Variants in ATF6 observed in about 807,000 individuals in gnomAD.
ATF6 encodes the protein activating transcription factor 6.
Under a neutral mutation model 83.6 loss-of-function variants are expected in ATF6, and 53 were observed. The ratio of observed to expected loss-of-function variants is 0.63; its 90% CI spans 0.51 to 0.80. ATF6 has a LOEUF of 0.80. Ranked by LOEUF, ATF6 falls within the 30% of genes least tolerant of loss-of-function variation. The pLI, the probability that ATF6 is intolerant of heterozygous loss-of-function variation, is 0.00. For missense variants in ATF6, 744 were observed against 797.9 expected (o/e 0.93, Z 0.81); for synonymous variants, 288 against 285.8 (o/e 1.01, Z -0.08).
chr1:161,908,767 CTTTTTA>C (rs1367259482), intron 14 of ATF6, among the ~76,000 whole-genome samples: 1 of 152,026 alleles, frequency 6.6e-6, no homozygotes, highest in East Asian at 1.9e-4. Context: ...TTCTACTATC[CTTTTTA>C]TTTTTAAGTA....
rs906167087 is a variant in ATF6, at chr1:161,839,641, G to A, written c.1188-6808G>A. Among the ~76,000 whole-genome samples the A allele has an allele frequency of 2.0e-5, 3 of 152,128 alleles. No homozygotes were observed. In the East Asian group the frequency reaches 5.8e-4, roughly 29 times the overall value. On this transcript the variant is annotated intron_variant, in intron 9 of 15. Coordinates refer to ENST00000367942, the MANE Select transcript of ATF6 (RefSeq NM_007348.4). Reference sequence around the variant, plus strand: ...GCCCACCTTGGCTTCACAAAATTCCGGGATTACAGGTGTGAGCCACTGTTC... The same window carrying A: ...GCCCACCTTGGCTTCACAAAATTCCAGGATTACAGGTGTGAGCCACTGTTC...
chr1:161,851,865 C>A (rs780859452), intron 11 of ATF6, 30 bp downstream of exon 11: 2 of 1,538,054 alleles, frequency 1.3e-6, no homozygotes, highest in South Asian at 2.3e-5. Flanking sequence ...GCAGAAACAT[C>A]TGAGTTGGTT....
At chr1:161,845,718 G>T (rs1686468044) in intron 9 of ATF6, among the ~76,000 whole-genome samples, 1 of 150,230 alleles carries the variant, frequency 6.7e-6, no homozygotes, top group South Asian at 2.1e-4. Context: ...CAAGGCTTCA[G>T]TGAGCTGTGA....
intron 7 of ATF6, among the ~76,000 whole-genome samples, chr1:161,807,665 A>G (rs1364145566): frequency 6.6e-6 from 1 of 152,114 alleles, no homozygotes; most frequent in Non-Finnish European, 1.5e-5. Context: ...CTTTAAATGT[A>G]GGTTTGGAGC....
chr1:161,952,454 T>C (rs989061771), intron 15 of ATF6, among the ~76,000 whole-genome samples: 12 of 152,060 alleles, frequency 7.9e-5, no homozygotes, highest in Admixed American at 2.0e-4. Flanking sequence ...CTTCCATGCT[T>C]TTTCCCCCCA....
At chr1:161,953,094 A>C (rs1227663067) in intron 15 of ATF6, among the ~76,000 whole-genome samples, 1 of 152,186 alleles carries the variant, frequency 6.6e-6, no homozygotes, top group Non-Finnish European at 1.5e-5. Context: ...GCACACAGAA[A>C]CACTAAGTGT....
At position 161,959,904 on chromosome 1, in the gene ATF6, C is replaced by T. The variant is rs1689060331; in HGVS notation, c.*1250C>T. ...ATTCAGCTGAGGAATATGGAAGTAA[C>T]TTTAGACTTAAACAAGACAAAAGTT... On this transcript the variant is annotated 3_prime_UTR_variant, in exon 16 of 16. Transcript: ENST00000367942. 6.6e-6 allele frequency: 1 copy of T among 152,146 alleles called. No homozygotes were observed. The highest frequency in any genetic ancestry group is 1.5e-5 in the Non-Finnish European group (1 of 68,032). 9.4% of individuals were successfully genotyped at this position (152,146 alleles called of 1,614,324 possible). A position where few individuals can be genotyped will look rare whatever the true frequency, so the allele number is the denominator to read the frequency against.
At position 161,941,963 on chromosome 1, in the gene ATF6, T is replaced by C. The variant is rs141878275; in HGVS notation, c.1805-16483T>C. The stretch of plus-strand genomic sequence containing the variant: ...ACGTCCTACTCCTCTTCCTCTTATC[T>C]TCTTTTTTTCGGCGGGGTGGGGGGG... On this transcript the variant is annotated intron_variant, in intron 15 of 15. Coordinates refer to ENST00000367942, the MANE Select transcript of ATF6 (RefSeq NM_007348.4). Among the ~76,000 whole-genome samples, 10 of 150,262 alleles carry C rather than the reference T, an allele frequency of 6.7e-5. No individual in the cohort carries two copies. The East Asian group carries it at 2.0e-3, about 30-fold the overall frequency.
At chr1:161,936,115 G>A (rs961672817) in intron 15 of ATF6, among the ~76,000 whole-genome samples, 3 of 152,100 alleles carry the variant, frequency 2.0e-5, no homozygotes, top group African/African-American at 4.8e-5. Flanking sequence ...GTTTAGGTTC[G>A]AAGCAACTCA....
chr1:161,953,190 T>A (rs1378868031), intron 15 of ATF6, among the ~76,000 whole-genome samples: 5 of 152,200 alleles, frequency 3.3e-5, no homozygotes, highest in African/African-American at 7.2e-5. Flanking sequence ...ATATTTAAAT[T>A]TAAAACAGTG....
At position 161,851,193 on chromosome 1, in the gene ATF6, T is replaced by C. The variant is rs117221304; in HGVS notation, c.1320-529T>C. On this transcript the variant is annotated intron_variant, in intron 10 of 15. Transcript: ENST00000367942. ...ACACCCCTACCTGTTTTACAGATAC[T>C]ATCCAGTTTTATCATAGAATTGTGT... is the stretch of plus-strand genomic sequence containing the variant. Among the ~76,000 whole-genome samples the C allele has an allele frequency of 1.0e-3, 136 of 135,810 alleles. 4 individuals are homozygous for C. The East Asian group carries it at 0.029, about 29-fold the overall frequency. 89.1% of individuals were successfully genotyped at this position (135,810 alleles called of 152,430 possible). A position where few individuals can be genotyped will look rare whatever the true frequency, so the allele number is the denominator to read the frequency against.
intron 14 of ATF6, among the ~76,000 whole-genome samples, chr1:161,896,753 A>T (rs2101875471): frequency 6.6e-6 from 1 of 152,316 alleles, no homozygotes; most frequent in East Asian, 1.9e-4. Flanking sequence ...GAAAGTGTGA[A>T]GTATTTAGAA....
chr1:161,936,478 G>A (rs1235273009), intron 15 of ATF6, among the ~76,000 whole-genome samples: 1 of 152,032 alleles, frequency 6.6e-6, no homozygotes, highest in East Asian at 1.9e-4. Flanking sequence ...CACTCTTTAA[G>A]TTATTTTAAA....
chr1:161,876,543 G>T, intron 14 of ATF6, among the ~76,000 whole-genome samples: 1 of 152,038 alleles, frequency 6.6e-6, no homozygotes, highest in South Asian at 2.1e-4. Flanking sequence ...CTTCACACCT[G>T]TGTTTAAAAT....
At chr1:161,861,330 C>G (rs138619802) in intron 13 of ATF6, among the ~76,000 whole-genome samples, 3 of 152,114 alleles carry the variant, frequency 2.0e-5, no homozygotes, top group African/African-American at 7.2e-5. Flanking sequence ...AAAATGAAGT[C>G]AAAAGCTATT....
intron 7 of ATF6, among the ~76,000 whole-genome samples, chr1:161,804,788 T>A (rs1300122786): frequency 6.6e-6 from 1 of 151,922 alleles, no homozygotes; most frequent in Non-Finnish European, 1.5e-5. Context: ...CATATTCCAA[T>A]TAATTATATG....
At chr1:161,769,083 A>G (rs1014059025) in intron 1 of ATF6, among the ~76,000 whole-genome samples, 4 of 152,190 alleles carry the variant, frequency 2.6e-5, no homozygotes, top group African/African-American at 9.6e-5. Flanking sequence ...TTCAGATAGT[A>G]AATATTTTAG....
At chr1:161,906,690 T>C (rs759644959) in intron 14 of ATF6, among the ~76,000 whole-genome samples, 37 of 152,360 alleles carry the variant, frequency 2.4e-4, no homozygotes, top group Non-Finnish European at 4.6e-4. Flanking sequence ...GTGTAAACCT[T>C]GGCTCATTCT....
chr1:161,840,039 T>C (rs1044952837), intron 9 of ATF6: 2 of 152,198 alleles, frequency 1.3e-5, no homozygotes, highest in African/African-American at 2.4e-5. Context: ...AGGATCACTT[T>C]AGTTACTATG....
Sources: gnomAD v4.1 joint callset for allele counts (sites outside exome capture counted in the v4.1 genomes callset) on GRCh38, gnomAD v4.1.1 for gene constraint, MANE v1.5 for transcripts, NCBI Gene and HGNC (gene_info 2026-07-23, HGNC 2026-07-21) for gene names.